ZNF804B: variants seen among roughly 807,000 people sequenced by gnomAD.
ZNF804B encodes zinc finger protein 804B.
Under a neutral mutation model 101.4 loss-of-function variants are expected in ZNF804B, and 80 were observed. The ratio of observed to expected loss-of-function variants is 0.79; its 90% CI spans 0.66 to 0.95. The LOEUF is 0.95. Among genes scored for constraint, ZNF804B ranks in the 40% least tolerant of loss-of-function variants. ZNF804B has a pLI of 0.00. For synonymous variants in ZNF804B, 622 were observed against 558.8 expected, an observed-to-expected ratio of 1.11 and a Z score of -1.59; for missense variants, 1,673 against 1,561.9, an observed-to-expected ratio of 1.07 and a Z score of -1.20.
At chr7:89,064,987 C>G (rs927748484) in intron 1 of ZNF804B, among the ~76,000 whole-genome samples, 4 of 152,094 alleles carry the variant, frequency 2.6e-5, no homozygotes, top group Admixed American at 6.6e-5. Context: ...GGGAAATTGC[C>G]TTGGTGCCAG....
chr7:89,011,514 G>T (rs896706267), intron 1 of ZNF804B, among the ~76,000 whole-genome samples: 6 of 152,116 alleles, frequency 3.9e-5, no homozygotes, highest in African/African-American at 1.4e-4. Context: ...TCAAAAGCAA[G>T]TTAGTTGCTT....
At chr7:88,972,106 A>G (rs1793547619) in intron 1 of ZNF804B, among the ~76,000 whole-genome samples, 1 of 151,572 alleles carries the variant, frequency 6.6e-6, no homozygotes, top group Admixed American at 6.6e-5. Context: ...TTGAGAAGCC[A>G]TTACATGTCC....
chr7:88,841,340 T>C (rs577028195), intron 1 of ZNF804B, among the ~76,000 whole-genome samples: 4 of 152,178 alleles, frequency 2.6e-5, no homozygotes, highest in Non-Finnish European at 5.9e-5. Flanking sequence ...ATTGTATCAG[T>C]TGGTCTGGAG....
intron 2 of ZNF804B, among the ~76,000 whole-genome samples, chr7:89,234,038 GC>G (rs150825404): frequency 0.013 from 2,021 of 152,210 alleles, 41 homozygotes; most frequent in African/African-American, 0.046. Flanking sequence ...ATACCTGTTT[GC>G]AAAAGGGAGC....
chr7:89,094,627 C>T (rs923002324), intron 1 of ZNF804B, among the ~76,000 whole-genome samples: 1 of 152,004 alleles, frequency 6.6e-6, no homozygotes, highest in African/African-American at 2.4e-5. Flanking sequence ...AAACTCTTCT[C>T]CTTTGCTACA....
chr7:89,010,988 C>G (rs1487045492), intron 1 of ZNF804B, among the ~76,000 whole-genome samples: 3 of 152,160 alleles, frequency 2.0e-5, no homozygotes, highest in African/African-American at 7.2e-5. Flanking sequence ...CATTCTCATG[C>G]TGCTATGAAG....
intron 1 of ZNF804B, among the ~76,000 whole-genome samples, chr7:89,091,496 A>G (rs1388092986): frequency 6.6e-6 from 1 of 152,192 alleles, no homozygotes; most frequent in African/African-American, 2.4e-5. Flanking sequence ...GTAAAAGTCG[A>G]AAGTAGATAA....
intron 1 of ZNF804B, among the ~76,000 whole-genome samples, chr7:88,924,860 A>C (rs1023906560): frequency 2.0e-5 from 3 of 152,178 alleles, no homozygotes; most frequent in Non-Finnish European, 4.4e-5. Flanking sequence ...CAACATTTAA[A>C]ACACTGCCTA....
intron 1 of ZNF804B, among the ~76,000 whole-genome samples, chr7:89,178,969 A>G (rs1319455492): frequency 6.6e-6 from 1 of 152,120 alleles, no homozygotes; most frequent in Non-Finnish European, 1.5e-5. Context: ...TTTTTCCTTC[A>G]GCATTTAAAA....
chr7:89,153,449 T>G (rs1790908953), intron 1 of ZNF804B, among the ~76,000 whole-genome samples: 1 of 150,086 alleles, frequency 6.7e-6, no homozygotes, highest in South Asian at 2.1e-4. Context: ...ATAATAATAA[T>G]AATAATAATA....
At position 89,338,435 on chromosome 7, in the gene ZNF804B, G is replaced by A. The variant is rs901432228; in HGVS notation, c.*1403G>A. Among the ~76,000 whole-genome samples, 8 of 151,742 alleles carry A rather than the reference G, an allele frequency of 5.3e-5. No individual in the cohort carries two copies. Among genetic ancestry groups the A allele is most frequent in the East Asian group, 1.9e-4 (1 of 5,170 alleles). On this transcript the variant is annotated 3_prime_UTR_variant, in exon 4 of 4. Transcript: ENST00000333190. ...TATTATCATTCCTCATTACAGATAA[G>A]GAAAATGAAATAGAAAGGTTAAATA...
chr7:88,901,525 G>A (rs943026081), intron 1 of ZNF804B, among the ~76,000 whole-genome samples: 2 of 151,688 alleles, frequency 1.3e-5, no homozygotes, highest in Non-Finnish European at 3.0e-5. Flanking sequence ...CTTGTACATG[G>A]TTTTAGGCTT....
chr7:89,292,290 CATCTT>C (rs1194729179), intron 2 of ZNF804B, among the ~76,000 whole-genome samples: 4 of 152,112 alleles, frequency 2.6e-5, no homozygotes, highest in Non-Finnish European at 4.4e-5. Flanking sequence ...AAACTACTCT[CATCTT>C]AAGTAGAAAG....
intron 2 of ZNF804B, among the ~76,000 whole-genome samples, chr7:89,280,436 C>T (rs1255308195): frequency 6.6e-6 from 1 of 151,686 alleles, no homozygotes; most frequent in East Asian, 1.9e-4. Flanking sequence ...AATAGAGACA[C>T]AAAAAACCCT....
intron 1 of ZNF804B, among the ~76,000 whole-genome samples, chr7:89,006,905 G>A (rs933353694): frequency 2.0e-5 from 3 of 152,172 alleles, no homozygotes; most frequent in African/African-American, 7.2e-5. Context: ...TGGACTGACA[G>A]AAGGTGTTCC....
chr7:89,303,953 C>A (rs888439794), intron 2 of ZNF804B, among the ~76,000 whole-genome samples: 1 of 151,878 alleles, frequency 6.6e-6, no homozygotes. Flanking sequence ...TTCCAAGGCT[C>A]TACTAACCAA....
intron 1 of ZNF804B, among the ~76,000 whole-genome samples, chr7:89,026,884 A>G (rs1348272273): frequency 6.6e-6 from 1 of 152,124 alleles, no homozygotes; most frequent in South Asian, 2.1e-4. Flanking sequence ...GCTCTTAGGA[A>G]AAAAGTCTGA....
intron 1 of ZNF804B, among the ~76,000 whole-genome samples, chr7:88,957,412 T>C (rs1393121450): frequency 1.3e-5 from 2 of 151,446 alleles, no homozygotes; most frequent in African/African-American, 4.8e-5. Flanking sequence ...GAATTCATAT[T>C]GGTAACCTCA....
At chr7:89,180,409 G>A (rs538767814) in intron 1 of ZNF804B, among the ~76,000 whole-genome samples, 6 of 152,166 alleles carry the variant, frequency 3.9e-5, no homozygotes, top group African/African-American at 9.6e-5. Flanking sequence ...TCATCAAGCA[G>A]AGTGAGTCTT....
Sources: gnomAD v4.1 joint callset for allele counts (sites outside exome capture counted in the v4.1 genomes callset) on GRCh38, gnomAD v4.1.1 for gene constraint, MANE v1.5 for transcripts, NCBI Gene and HGNC (gene_info 2026-07-23, HGNC 2026-07-21) for gene names.